Variants in FEZ1 observed in about 807,000 individuals in gnomAD.
The protein encoded by FEZ1 is fasciculation and elongation protein zeta-1.
Under a neutral mutation model 49.3 loss-of-function variants are expected in FEZ1, and 20 were observed. The ratio of observed to expected loss-of-function variants is 0.41; its 90% CI spans 0.29 to 0.59. The LOEUF (loss-of-function observed/expected upper bound fraction) is 0.59. Among genes scored for constraint, FEZ1 ranks in the 20% least tolerant of loss-of-function variants. The probability of loss-of-function intolerance (pLI) is 0.36; values close to 1 mark genes in which losing one functional copy is unlikely to be tolerated. For synonymous variants in FEZ1, 170 were observed against 180.9 expected (o/e 0.94, Z 0.48); for missense variants, 413 against 476.0 (o/e 0.87, Z 1.23).
chr11:125,463,637 C>G, intron 3 of FEZ1, 67 bp from the exon 4 acceptor site: 4 of 937,764 alleles, frequency 4.3e-6, no homozygotes, highest in Non-Finnish European at 7.0e-6. Context: ...CCTCTAGTCT[C>G]GAGAATGGAT....
At chr11:125,458,066 G>T (rs578012156) in intron 5 of FEZ1, among the ~76,000 whole-genome samples, 2 of 152,310 alleles carry the variant, frequency 1.3e-5, no homozygotes, top group East Asian at 3.9e-4. Flanking sequence ...AGTCGGGAAT[G>T]CAGCGAGGCA....
intron 3 of FEZ1, among the ~76,000 whole-genome samples, chr11:125,470,753 T>C (rs557245089): frequency 1.8e-4 from 27 of 152,206 alleles, no homozygotes; most frequent in Non-Finnish European, 2.9e-4. Context: ...AAGGAAATGA[T>C]AGAAAATCAG....
In FEZ1 at chr11:125,444,146, CT is replaced by C. The variant is rs1383246680; in HGVS notation, c.*1948del. ...CACAGGACGAGTTGTCACTTCCATG[CT>C]CCTGTGGCAGCCGGGGCTCTATCTA... is the stretch of plus-strand genomic sequence containing the variant. On this transcript the variant is annotated 3_prime_UTR_variant, in exon 10 of 10. Transcript: ENST00000278919. Among the ~76,000 whole-genome samples, 2 of 150,754 alleles carry C rather than the reference CT, an allele frequency of 1.3e-5. No homozygotes were observed. The highest frequency in any genetic ancestry group is 2.4e-5 in the African/African-American group (1 of 41,182).
At chr11:125,475,391 A>C (rs181105757) in intron 3 of FEZ1, among the ~76,000 whole-genome samples, 5 of 152,132 alleles carry the variant, frequency 3.3e-5, no homozygotes, top group African/African-American at 7.2e-5. Flanking sequence ...ATAAGGTATC[A>C]ATTTTGTTAC....
At chr11:125,470,862 CAACT>C (rs1454724428) in intron 3 of FEZ1, among the ~76,000 whole-genome samples, 1 of 151,808 alleles carries the variant, frequency 6.6e-6, no homozygotes, top group Non-Finnish European at 1.5e-5. Flanking sequence ...TCTTAAAAGA[CAACT>C]AACTGTCTAA....
chr11:125,495,435 C>T lies in FEZ1; in HGVS notation c.-46+686G>A. 2.1e-6 allele frequency: 1 copy of T among 470,436 alleles called. No homozygotes were observed. The highest frequency in any genetic ancestry group is 4.4e-6 in the Non-Finnish European group (1 of 226,620). 29.1% of individuals were successfully genotyped at this position (470,436 alleles called of 1,614,324 possible). A position where few individuals can be genotyped will look rare whatever the true frequency, so the allele number is the denominator to read the frequency against. ...GCTCCCCGCATTCCAGAGCCCGGGGCCCACCCGACGGCAGCGCGCCCCGCC... is the reference window on the plus strand; with the variant it reads ...GCTCCCCGCATTCCAGAGCCCGGGGTCCACCCGACGGCAGCGCGCCCCGCC... On this transcript the variant is annotated intron_variant, in intron 1 of 9. Transcript: ENST00000278919. The surrounding 1 kb of genome is among the most constrained non-coding windows in gnomAD (Gnocchi z 4.2).
intron 3 of FEZ1, among the ~76,000 whole-genome samples, chr11:125,479,028 T>C (rs1051800392): frequency 6.6e-6 from 1 of 152,206 alleles, no homozygotes; most frequent in Non-Finnish European, 1.5e-5. Context: ...GCATCATACC[T>C]GTAAGCATTA....
rs1957094591 is a variant in FEZ1 at position 125,463,510 on chromosome 11, C to T, written c.472G>A (p.Glu158Lys). ...EKSENDSGIN[E>K]EPLLTADQVI... ...TGATCTGCTGTGAGCAGAGGCTCCT[C>T]GTTGATACCGGAATCATTTTCACTC... The change falls in exon 4 of 10, where the codon GAG (glutamate) becomes AAG (lysine). Residue 158 changes from glutamate (E) to lysine (K), a missense_variant. Physicochemically the swap from Glu to Lys is moderately conservative, Grantham distance 56. Coordinates refer to ENST00000278919, the MANE Select transcript of FEZ1 (RefSeq NM_005103.5). The T allele has an allele frequency of 6.2e-7, 1 of 1,609,200 alleles. No individual in the cohort carries two copies. Among genetic ancestry groups the T allele is most frequent in the Non-Finnish European group, 8.5e-7 (1 of 1,175,608 alleles).
Position 125,445,377 on chromosome 11 carries a change from G to A in FEZ1, c.*718C>T, listed in dbSNP as rs755662889. On this transcript the variant is annotated 3_prime_UTR_variant, in exon 10 of 10. Transcript: ENST00000278919. This position sits in a 1 kb window ranked among gnomAD's most constrained non-coding sequence, Gnocchi z 4.4. Reference sequence around the variant, plus strand: ...TGGGGAGGGTCTCCAGGGCCAGCCTGGCCATCCCACCAGGAGATCTGCAGC... The same window carrying A: ...TGGGGAGGGTCTCCAGGGCCAGCCTAGCCATCCCACCAGGAGATCTGCAGC... Among the ~76,000 whole-genome samples the A allele has an allele frequency of 1.4e-4, 21 of 152,234 alleles. No homozygotes were observed. Among genetic ancestry groups the A allele is most frequent in the Non-Finnish European group, 2.6e-4 (18 of 68,040 alleles).
In FEZ1 at chr11:125,480,001, A is replaced by C. The variant is rs534640177; in HGVS notation, c.411+1533T>G. Among the ~76,000 whole-genome samples the C allele has an allele frequency of 5.9e-5, 9 of 152,324 alleles. No homozygotes were observed. In the South Asian group the frequency reaches 1.9e-3, roughly 32 times the overall value. The stretch of plus-strand genomic sequence containing the variant: ...CATCTTTATTTTTCAGAAGCCCCTA[A>C]GCTACTTTCTCCCTTGGAGTCAGTA... On this transcript the variant is annotated intron_variant, in intron 3 of 9. Coordinates refer to ENST00000278919, the MANE Select transcript of FEZ1 (RefSeq NM_005103.5).
chr11:125,495,528 C>T lies in FEZ1; in HGVS notation c.-46+593G>A, dbSNP rs956813910. The T allele has an allele frequency of 6.4e-6, 3 of 470,996 alleles. No homozygotes were observed. The highest frequency in any genetic ancestry group is 1.3e-5 in the Non-Finnish European group (3 of 227,044). 29.2% of individuals were successfully genotyped at this position (470,996 alleles called of 1,614,324 possible). The stretch of plus-strand genomic sequence containing the variant: ...AAAACAATCGCTCTCCCGGCGTCTG[C>T]GGCCGCTGCCAGCGGTTCTGACACT... On this transcript the variant is annotated intron_variant, in intron 1 of 9. Coordinates refer to ENST00000278919, the MANE Select transcript of FEZ1 (RefSeq NM_005103.5). This position sits in a 1 kb window ranked among gnomAD's most constrained non-coding sequence, Gnocchi z 4.2.
chr11:125,475,054 G>C (rs546387515), intron 3 of FEZ1, among the ~76,000 whole-genome samples: 6 of 152,134 alleles, frequency 3.9e-5, no homozygotes, highest in Non-Finnish European at 7.3e-5. Flanking sequence ...TGGATCACTT[G>C]AGCTCAGGAA....
At position 125,450,474 on chromosome 11, in the gene FEZ1, T is replaced by C. The variant is rs557279217; in HGVS notation, c.1096+1860A>G. Among the ~76,000 whole-genome samples the C allele has an allele frequency of 4.6e-5, 7 of 152,386 alleles. No homozygotes were observed. The South Asian group carries it at 1.4e-3, about 32-fold the overall frequency. On this transcript the variant is annotated intron_variant, in intron 8 of 9. Coordinates refer to ENST00000278919, the MANE Select transcript of FEZ1 (RefSeq NM_005103.5). ...ATAATTGCTCTTGCCAATACGTATC[T>C]AAATTAATCTCCAAAATCTAAAATT...
At chr11:125,481,409 A>C in intron 3 of FEZ1, 125 bp downstream of exon 3, 1 of 762,462 alleles carries the variant, frequency 1.3e-6, no homozygotes, top group Non-Finnish European at 2.4e-6. Flanking sequence ...TCGGTCTCCC[A>C]AAGCTGAGAT....
chr11:125,455,611 C>T (rs1267684879), intron 6 of FEZ1: 12 of 603,474 alleles, frequency 2.0e-5, no homozygotes, highest in Non-Finnish European at 3.3e-5. Flanking sequence ...TCAATTATTT[C>T]CTAATGTACA....
rs773031780 is a variant in FEZ1, at chr11:125,489,566, T to C, written c.212A>G (p.Asn71Ser). Residue 71 changes from asparagine to serine, a missense_variant, in exon 2 of 10, where the codon AAT (asparagine) becomes AGT (serine). Transcript: ENST00000278919. The surrounding 1 kb of genome is among the most constrained non-coding windows in gnomAD (Gnocchi z 4.2). ...GGCGTTGTAGTTCCGAAAGCAGACATTGAGCTTCTCATCAAATTCATTTAC... is the reference window on the plus strand; with the variant it reads ...GGCGTTGTAGTTCCGAAAGCAGACACTGAGCTTCTCATCAAATTCATTTAC... ...DLVNEFDEKLNVCFRNYNAKT... is the reference protein window; with the variant it reads ...DLVNEFDEKLSVCFRNYNAKT... 9.9e-6 allele frequency: 16 copies of C among 1,614,040 alleles called. No individual in the cohort carries two copies. The highest frequency in any genetic ancestry group is 8.0e-5 in the African/African-American group (6 of 74,928).
Position 125,495,473 on chromosome 11 carries a change from C to T in FEZ1, c.-46+648G>A, listed in dbSNP as rs1957452309. 2 of 470,838 alleles carry T rather than the reference C, an allele frequency of 4.2e-6. No homozygotes were observed. The highest frequency in any genetic ancestry group is 8.8e-6 in the Non-Finnish European group (2 of 227,012). The allele number at this position is 470,838 out of a possible 1,614,324, so 29.2% of individuals were successfully genotyped here. ...AGCGCGCCCCGCCACCGCGCAGCCG[C>T]CCCGGTCCCTTCTCCCGCCCGTCTG... is the stretch of plus-strand genomic sequence containing the variant. On this transcript the variant is annotated intron_variant, in intron 1 of 9. Transcript: ENST00000278919. The surrounding 1 kb of genome is among the most constrained non-coding windows in gnomAD (Gnocchi z 4.2).
chr11:125,475,149 G>A (rs1008371366), intron 3 of FEZ1, among the ~76,000 whole-genome samples: 2 of 151,586 alleles, frequency 1.3e-5, no homozygotes, highest in Non-Finnish European at 2.9e-5. Flanking sequence ...GTGCACCTAT[G>A]GTCCCAGCTA....
Position 125,495,387 on chromosome 11 carries a change from C to T in FEZ1, c.-46+734G>A, listed in dbSNP as rs964920581. On this transcript the variant is annotated intron_variant, in intron 1 of 9. Transcript: ENST00000278919. The surrounding 1 kb of genome is among the most constrained non-coding windows in gnomAD (Gnocchi z 4.2). ...AAGGGAAGAAGAGCGGGCTGTGATA[C>T]CTCCTCGACGCCGTCAAACACTGCT... 2.1e-6 allele frequency: 1 copy of T among 470,706 alleles called. No homozygotes were observed. The highest frequency in any genetic ancestry group is 4.4e-6 in the Non-Finnish European group (1 of 226,802). The allele number at this position is 470,706 out of a possible 1,614,324, so 29.2% of individuals were successfully genotyped here.
Sources: allele counts gnomAD v4.1 joint callset (sites outside exome capture counted in the v4.1 genomes callset), GRCh38; gene constraint gnomAD v4.1.1; non-coding constraint Gnocchi (gnomAD v3.1); transcripts MANE v1.5; gene names NCBI Gene and HGNC (gene_info 2026-07-23, HGNC 2026-07-21).